The following LRRC28 variants were observed in gnomAD, a reference collection of about 807,000 sequenced individuals.
LRRC28 encodes the protein leucine-rich repeat-containing protein 28.
In LRRC28, 39 loss-of-function variants were observed where a neutral mutation model predicts 45.7. The observed-to-expected ratio is 0.85, with a 90% confidence interval of 0.66 to 1.12. The LOEUF is 1.12. Among genes scored for constraint, LRRC28 ranks in the 50% most tolerant of loss-of-function variants. LRRC28 has a pLI of 0.00. For missense variants in LRRC28, 435 were observed against 438.5 expected (o/e 0.99, Z 0.07); for synonymous variants, 206 against 178.8 (o/e 1.15, Z -1.22).
intron 6 of LRRC28, among the ~76,000 whole-genome samples, chr15:99,345,201 C>T (rs1488974444): frequency 6.6e-6 from 1 of 151,964 alleles, no homozygotes; most frequent in South Asian, 2.1e-4. Context: ...AGTTGTCGGA[C>T]TCCAAGACTG....
At chr15:99,292,359 C>CT (rs35435895) in intron 5 of LRRC28, among the ~76,000 whole-genome samples, 115,458 of 132,976 alleles carry the variant, frequency 0.87, 50,343 homozygotes, top group Middle Eastern at 0.9. Flanking sequence ...ATCGTACAGT[C>CT]TTTTTTTTTT....
chr15:99,376,672 C>T (rs114109225), intron 9 of LRRC28, among the ~76,000 whole-genome samples: 2,476 of 152,200 alleles, frequency 0.016, 66 homozygotes, highest in African/African-American at 0.057. Context: ...ACCTAATGTA[C>T]TCCTAATGCT....
At chr15:99,346,419 T>C (rs1226766247) in intron 6 of LRRC28, among the ~76,000 whole-genome samples, 1 of 152,244 alleles carries the variant, frequency 6.6e-6, no homozygotes, top group Non-Finnish European at 1.5e-5. Flanking sequence ...TCTTGTTTAC[T>C]TTTGTTTTAT....
In LRRC28 at chr15:99,390,625, TCA is replaced by T. The variant is rs1356184540; in HGVS notation, c.*4524_*4525del. ...ACTTTATCCAATTTGGTTGCCTCTC[TCA>T]GTTACTGCAGTTTATAGAATAATTG... is the stretch of plus-strand genomic sequence containing the variant. On this transcript the variant is annotated 3_prime_UTR_variant, in exon 10 of 10. Transcript: ENST00000301981. 1 of 152,246 alleles carries T rather than the reference TCA, an allele frequency of 6.6e-6. No homozygotes were observed. Among genetic ancestry groups the T allele is most frequent in the East Asian group, 1.9e-4 (1 of 5,204 alleles). The allele number at this position is 152,246 out of a possible 1,614,324, so 9.4% of individuals were successfully genotyped here.
At chr15:99,382,666 A>G (rs1374889289) in intron 9 of LRRC28, among the ~76,000 whole-genome samples, 37 of 151,990 alleles carry the variant, frequency 2.4e-4, no homozygotes, top group Admixed American at 2.2e-3. Context: ...AAACATTCTC[A>G]TTTAAGTGTT....
At chr15:99,301,605 A>G (rs1190862011) in intron 5 of LRRC28, among the ~76,000 whole-genome samples, 1 of 152,226 alleles carries the variant, frequency 6.6e-6, no homozygotes, top group East Asian at 1.9e-4. Context: ...AAATTTTAAC[A>G]TGGTGGATTC....
intron 5 of LRRC28, among the ~76,000 whole-genome samples, chr15:99,327,687 C>CT (rs975366514): frequency 6.6e-6 from 1 of 151,736 alleles, no homozygotes. Flanking sequence ...TTTTCATTGA[C>CT]TTTTTTTTCT....
intron 7 of LRRC28, 56 bp downstream of exon 7, chr15:99,352,527 C>A: frequency 3.5e-6 from 5 of 1,414,284 alleles, no homozygotes; most frequent in Non-Finnish European, 3.0e-6. Context: ...TTTGGTACTT[C>A]TGTTCAATTT....
rs577999861 is a variant in LRRC28, at chr15:99,374,888, C to T, written c.1032-11142C>T. On this transcript the variant is annotated intron_variant, in intron 9 of 9. Coordinates refer to ENST00000301981, the MANE Select transcript of LRRC28 (RefSeq NM_144598.5). The stretch of plus-strand genomic sequence containing the variant: ...TTTACTGTATTAGTCAAGATGATCT[C>T]GATCTCCTGACCTCGTGATCTGCTC... 1.4e-4 allele frequency among the ~76,000 whole-genome samples: 21 copies of T among 151,954 alleles called. 1 individual carries two copies. Among genetic ancestry groups the T allele is most frequent in the Admixed American group, 6.6e-4 (10 of 15,262 alleles).
chr15:99,359,598 T>A (rs557482643), intron 7 of LRRC28, among the ~76,000 whole-genome samples: 1 of 152,348 alleles, frequency 6.6e-6, no homozygotes, highest in African/African-American at 2.4e-5. Flanking sequence ...AAAATGTTCA[T>A]TTTTCATGGC....
chr15:99,288,722 C>T (rs750853840), intron 5 of LRRC28, among the ~76,000 whole-genome samples: 4 of 151,492 alleles, frequency 2.6e-5, no homozygotes, highest in Admixed American at 6.6e-5. Flanking sequence ...CTCTGTTGCC[C>T]AGGCTCTAGT....
intron 2 of LRRC28, among the ~76,000 whole-genome samples, chr15:99,264,978 G>A (rs941768128): frequency 6.6e-6 from 1 of 152,190 alleles, no homozygotes; most frequent in Non-Finnish European, 1.5e-5. Context: ...GTGCACTGAG[G>A]GAGAGAGAGG....
intron 9 of LRRC28, 77 bp from the exon 10 acceptor site, chr15:99,385,953 A>G (rs1957973352): frequency 7.4e-7 from 1 of 1,348,950 alleles, no homozygotes; most frequent in Non-Finnish European, 1.1e-6. Flanking sequence ...TAACAAAGAA[A>G]AAAGTTTCCA....
chr15:99,327,282 C>A (rs12904429), intron 5 of LRRC28, among the ~76,000 whole-genome samples: 31,567 of 151,908 alleles, frequency 0.21, 3,413 homozygotes, highest in East Asian at 0.41. Context: ...ACCATGTTGG[C>A]CAGGCTGGTC....
chr15:99,276,509 T>TA, intron 2 of LRRC28, 67 bp from the exon 3 acceptor site: 1 of 1,319,266 alleles, frequency 7.6e-7, no homozygotes, highest in Non-Finnish European at 1.0e-6. Context: ...ACTTTGTATT[T>TA]AAACAAATTA....
rs745706369 is a variant in LRRC28, at chr15:99,333,971, G to A, written c.434G>A (p.Arg145His). Residue 145 changes from arginine to histidine, a missense_variant, in exon 6 of 10, where the codon CGT (arginine) becomes CAT (histidine). Coordinates refer to ENST00000301981, the MANE Select transcript of LRRC28 (RefSeq NM_144598.5). ...CAGACACTAGACATTTCTACCAATC[G>A]TTTGCTAACTTTACCCGAGAGGCTT... is the stretch of plus-strand genomic sequence containing the variant. ...ELQTLDISTN[R>H]LLTLPERLHM... 29 of 1,614,098 alleles carry A rather than the reference G, an allele frequency of 1.8e-5. No individual in the cohort carries two copies. The Admixed American group carries it at 1.8e-4, about 10-fold the overall frequency.
intron 6 of LRRC28, among the ~76,000 whole-genome samples, chr15:99,349,437 CTATT>C (rs1375897263): frequency 1.3e-5 from 2 of 151,990 alleles, no homozygotes; most frequent in Non-Finnish European, 2.9e-5. Flanking sequence ...AATTAGGACT[CTATT>C]TGTTAAAAAA....
At chr15:99,291,140 C>T (rs1384579200) in intron 5 of LRRC28, among the ~76,000 whole-genome samples, 3 of 152,122 alleles carry the variant, frequency 2.0e-5, no homozygotes, top group Non-Finnish European at 2.9e-5. Context: ...TTCTTAATAA[C>T]CAGTGAAGGG....
At chr15:99,347,302 C>T (rs747320408) in intron 6 of LRRC28, among the ~76,000 whole-genome samples, 2 of 152,018 alleles carry the variant, frequency 1.3e-5, no homozygotes, top group African/African-American at 4.8e-5. Flanking sequence ...CTCCGCCTCC[C>T]GGGTTCACGC....
Sources: gnomAD v4.1 joint callset for allele counts (sites outside exome capture counted in the v4.1 genomes callset) on GRCh38, gnomAD v4.1.1 for gene constraint, MANE v1.5 for transcripts, NCBI Gene and HGNC (gene_info 2026-07-23, HGNC 2026-07-21) for gene names.